Variants in ITIH5 observed in about 807,000 individuals in gnomAD.
ITIH5 encodes the protein inter-alpha-trypsin inhibitor heavy chain 5, also known as inter-alpha-trypsin inhibitor heavy chain H5.
ITIH5 carries 65 observed loss-of-function variants against 77.5 expected under a neutral mutation model. That is an observed-to-expected ratio of 0.84 (90% CI 0.69 to 1.03). The LOEUF is 1.03. ITIH5 is among the 50% of genes least tolerant of loss of function. ITIH5 has a pLI of 0.00. For synonymous variants in ITIH5, 525 were observed against 494.3 expected (o/e 1.06, Z -0.82); for missense variants, 1,208 against 1,213.1 (o/e 1.00, Z 0.06).
At chr10:7,626,477 T>C (rs544267578) in intron 5 of ITIH5, among the ~76,000 whole-genome samples, 1 of 152,262 alleles carries the variant, frequency 6.6e-6, no homozygotes, top group Non-Finnish European at 1.5e-5. Flanking sequence ...AACCTTCACA[T>C]AACAACCAGA....
At chr10:7,631,272 C>T (rs751958327) in intron 5 of ITIH5, among the ~76,000 whole-genome samples, 7 of 152,088 alleles carry the variant, frequency 4.6e-5, no homozygotes, top group Middle Eastern at 3.2e-3. Flanking sequence ...TTCTAACGGG[C>T]GGCAAAGTTT....
intron 4 of ITIH5, among the ~76,000 whole-genome samples, chr10:7,638,005 G>C (rs897444219): frequency 1.3e-5 from 2 of 152,212 alleles, no homozygotes; most frequent in Non-Finnish European, 2.9e-5. Flanking sequence ...TGGAGTGAGG[G>C]TTCTCTTATT....
chr10:7,666,659 G>C (rs1307084473), intron 1 of ITIH5, 144 bp downstream of exon 1: 1 of 596,526 alleles, frequency 1.7e-6, no homozygotes, highest in African/African-American at 2.0e-5. Flanking sequence ...TGACGCACGA[G>C]TGACCCACAG....
intron 9 of ITIH5, 25 bp from the exon 10 acceptor site, chr10:7,577,037 G>T: frequency 6.3e-7 from 1 of 1,578,446 alleles, no homozygotes; most frequent in South Asian, 1.2e-5. Context: ...CAGGGAGGGA[G>T]GGAGATCAGG....
chr10:7,598,482 T>C (rs1159846909), intron 7 of ITIH5, among the ~76,000 whole-genome samples: 1 of 152,198 alleles, frequency 6.6e-6, no homozygotes, highest in Non-Finnish European at 1.5e-5. Context: ...GTTCTCAACA[T>C]TTTTTCATTC....
intron 6 of ITIH5, 142 bp from the exon 7 acceptor site, chr10:7,616,240 T>C (rs1640124930): frequency 1.6e-6 from 1 of 609,842 alleles, no homozygotes; most frequent in Non-Finnish European, 3.0e-6. Flanking sequence ...AGTAAAATTA[T>C]CTAAGGCCCT....
At chr10:7,597,983 G>A (rs371480835) in intron 7 of ITIH5, among the ~76,000 whole-genome samples, 1 of 151,890 alleles carries the variant, frequency 6.6e-6, no homozygotes, top group East Asian at 1.9e-4. Flanking sequence ...TAATGTATTT[G>A]GGTCCATATC....
At chr10:7,627,329 G>GC (rs374825506) in intron 5 of ITIH5, among the ~76,000 whole-genome samples, 3,264 of 54,954 alleles carry the variant, frequency 0.059, 145 homozygotes, top group African/African-American at 0.13. Flanking sequence ...AGAAGATAAA[G>GC]TAAAAAAAAA....
chr10:7,586,181 T>C, intron 7 of ITIH5, 112 bp from the exon 8 acceptor site: 2 of 940,154 alleles, frequency 2.1e-6, no homozygotes, highest in Non-Finnish European at 3.1e-6. Flanking sequence ...TCAAATTCAG[T>C]GTCAGCTATG....
chr10:7,648,689 G>A (rs1479427460), intron 2 of ITIH5, among the ~76,000 whole-genome samples: 1 of 152,124 alleles, frequency 6.6e-6, no homozygotes, highest in Non-Finnish European at 1.5e-5. Flanking sequence ...CACTTAGTAT[G>A]CTTGAGAATA....
At position 7,559,420 on chromosome 10, in the gene ITIH5, C is replaced by T. The variant is rs1260755579; in HGVS notation, c.*3663G>A. 3 of 153,350 alleles carry T rather than the reference C, an allele frequency of 2.0e-5. No homozygotes were observed. Among genetic ancestry groups the T allele is most frequent in the Admixed American group, 6.5e-5 (1 of 15,316 alleles). The allele number at this position is 153,350 out of a possible 1,614,324, so 9.5% of individuals were successfully genotyped here. ...AATGTCTCTTGAATGTGAACTGTCT[C>T]GTACCCCACTAATTATTTAAAACTA... On this transcript the variant is annotated 3_prime_UTR_variant, in exon 14 of 14. Coordinates refer to ENST00000397146, the MANE Select transcript of ITIH5 (RefSeq NM_030569.7).
chr10:7,613,294 G>T lies in ITIH5; in HGVS notation c.939+2688C>A, dbSNP rs190470640. Among the ~76,000 whole-genome samples, 12 of 150,304 alleles carry T rather than the reference G, an allele frequency of 8.0e-5. 2 individuals carry two copies. The East Asian group carries it at 1.7e-3, about 22-fold the overall frequency. ...AAGAACTTGTAGCCCATAATGCGAA[G>T]AACTTCACAAGGTATTTGGTAAATA... On this transcript the variant is annotated intron_variant, in intron 7 of 13. Coordinates refer to ENST00000397146, the MANE Select transcript of ITIH5 (RefSeq NM_030569.7).
intron 10 of ITIH5, among the ~76,000 whole-genome samples, chr10:7,573,418 G>C (rs371857385): frequency 1.3e-5 from 2 of 151,830 alleles, no homozygotes; most frequent in African/African-American, 4.8e-5. Flanking sequence ...CATAATCCCA[G>C]TGCTTCCGGA....
chr10:7,661,154 C>G (rs1000376147), intron 1 of ITIH5, among the ~76,000 whole-genome samples: 5 of 152,252 alleles, frequency 3.3e-5, no homozygotes, highest in African/African-American at 1.2e-4. Context: ...CAATTTCATC[C>G]TAAAACCATC....
chr10:7,581,021 A>G (rs943523514), intron 8 of ITIH5, among the ~76,000 whole-genome samples: 116 of 152,256 alleles, frequency 7.6e-4, no homozygotes, highest in African/African-American at 2.8e-3. Flanking sequence ...GCACTCTGGG[A>G]GGCCAAGGTG....
At chr10:7,594,869 A>G (rs1832863657) in intron 7 of ITIH5, among the ~76,000 whole-genome samples, 2 of 152,148 alleles carry the variant, frequency 1.3e-5, no homozygotes, top group South Asian at 4.1e-4. Context: ...GGGGATAAAC[A>G]TAAGGGGCAC....
chr10:7,663,317 T>C (rs1834308972), intron 1 of ITIH5, among the ~76,000 whole-genome samples: 1 of 152,230 alleles, frequency 6.6e-6, no homozygotes, highest in African/African-American at 2.4e-5. Flanking sequence ...GCATAAATAG[T>C]AAAAGCAGCT....
chr10:7,573,058 G>A (rs188008201), intron 11 of ITIH5, 84 bp downstream of exon 11: 27 of 1,303,690 alleles, frequency 2.1e-5, no homozygotes, highest in African/African-American at 1.5e-4. Context: ...GATTACAGGC[G>A]TGAGCCAGTA....
intron 7 of ITIH5, among the ~76,000 whole-genome samples, chr10:7,594,957 G>A (rs1832865543): frequency 6.6e-6 from 1 of 152,212 alleles, no homozygotes; most frequent in South Asian, 2.1e-4. Context: ...TTCCCCTGGG[G>A]GGTCCGTGCC....
Sources: allele counts gnomAD v4.1 joint callset (sites outside exome capture counted in the v4.1 genomes callset), GRCh38; gene constraint gnomAD v4.1.1; transcripts MANE v1.5; gene names NCBI Gene and HGNC (gene_info 2026-07-23, HGNC 2026-07-21).